ZMIZ1: variants seen among roughly 807,000 people sequenced by gnomAD.
ZMIZ1 encodes the protein zinc finger MIZ-type containing 1, also known as zinc finger MIZ domain-containing protein 1.
ZMIZ1 carries 17 observed loss-of-function variants against 113.9 expected under a neutral mutation model. The observed-to-expected ratio is 0.15, with a 90% CI of 0.10 to 0.22. The LOEUF (loss-of-function observed/expected upper bound fraction) is 0.22. Among genes scored for constraint, ZMIZ1 ranks in the 10% least tolerant of loss-of-function variants. The probability of loss-of-function intolerance (pLI) is 1.00; values close to 1 mark genes in which losing one functional copy is unlikely to be tolerated. For synonymous variants in ZMIZ1, 607 were observed against 603.1 expected, an observed-to-expected ratio of 1.01 and a Z score of -0.09; for missense variants, 1,059 against 1,477.8, an observed-to-expected ratio of 0.72 and a Z score of 4.65.
chr10:79,303,155 T>C (rs1854444754), intron 18 of ZMIZ1, among the ~76,000 whole-genome samples: 2 of 148,296 alleles, frequency 1.3e-5, no homozygotes, highest in African/African-American at 4.9e-5. Context: ...CCACCACACC[T>C]GGCCAGCTTA....
chr10:79,182,644 T>C (rs185194521), intron 4 of ZMIZ1, among the ~76,000 whole-genome samples: 186 of 152,346 alleles, frequency 1.2e-3, no homozygotes, highest in Non-Finnish European at 2.3e-3. Context: ...GGACAGGGCC[T>C]GAGAGCCCTA....
chr10:79,093,634 C>T (rs558499808), intron 1 of ZMIZ1, among the ~76,000 whole-genome samples: 10 of 152,256 alleles, frequency 6.6e-5, no homozygotes, highest in Non-Finnish European at 1.5e-4. Flanking sequence ...GCCTGTATCC[C>T]AGTTTTACAC....
intron 8 of ZMIZ1, among the ~76,000 whole-genome samples, chr10:79,280,069 A>G (rs4979858): frequency 0.067 from 10,134 of 151,514 alleles, 697 homozygotes; most frequent in East Asian, 0.19. Context: ...GCTGACTGCA[A>G]GCTCCGCCCC....
chr10:79,240,264 A>C (rs1328787570), intron 7 of ZMIZ1, among the ~76,000 whole-genome samples: 1 of 152,226 alleles, frequency 6.6e-6, no homozygotes, highest in East Asian at 1.9e-4. Flanking sequence ...GAGCTCACCA[A>C]GTGCCTGTGA....
At chr10:79,174,145 C>G (rs2132541156) in intron 4 of ZMIZ1, among the ~76,000 whole-genome samples, 2 of 152,286 alleles carry the variant, frequency 1.3e-5, no homozygotes, top group Admixed American at 1.3e-4. Context: ...CTGAAGCGGC[C>G]AGCACAGGTT....
At chr10:79,257,461 C>T (rs1018433847) in intron 7 of ZMIZ1, among the ~76,000 whole-genome samples, 2 of 152,254 alleles carry the variant, frequency 1.3e-5, no homozygotes, top group African/African-American at 4.8e-5. Flanking sequence ...TTGGCTGCCC[C>T]AGCTCTACCC....
intron 1 of ZMIZ1, among the ~76,000 whole-genome samples, chr10:79,115,503 G>C (rs183479744): frequency 5.3e-5 from 8 of 152,162 alleles, no homozygotes; most frequent in African/African-American, 1.9e-4. Flanking sequence ...AAGCATCATC[G>C]CTGGTACAGT....
chr10:79,221,192 G>C (rs1367834460), intron 7 of ZMIZ1, among the ~76,000 whole-genome samples: 1 of 152,210 alleles, frequency 6.6e-6, no homozygotes, highest in African/African-American at 2.4e-5. Flanking sequence ...TGAGCTTGGA[G>C]CGGGGCTTTG....
chr10:79,165,968 G>GTGTCTGGGCTCTTCCTGCAGCTCAGC (rs1846318769), intron 4 of ZMIZ1, among the ~76,000 whole-genome samples: 2 of 146,834 alleles, frequency 1.4e-5, no homozygotes, highest in African/African-American at 5.3e-5. Flanking sequence ...GTGTGTGTGT[G>GTGTCTGGGCTCTTCCTGCAGCTCAGC]TGTGTGTGTG....
At chr10:79,163,173 T>A (rs1047067293) in intron 4 of ZMIZ1, among the ~76,000 whole-genome samples, 2 of 152,244 alleles carry the variant, frequency 1.3e-5, no homozygotes, top group Admixed American at 6.5e-5. Context: ...GTCTTCGCCC[T>A]GGTGTGGAGC....
chr10:79,316,457 G>GT lies in ZMIZ1; in HGVS notation c.*3709dup. The GT allele has an allele frequency of 6.5e-6, 1 of 152,736 alleles. No individual in the cohort carries two copies. The highest frequency in any genetic ancestry group is 1.9e-4 in the East Asian group (1 of 5,338). The allele number at this position is 152,736 out of a possible 1,614,324, so 9.5% of individuals were successfully genotyped here. A position where few individuals can be genotyped will look rare whatever the true frequency, so the allele number is the denominator to read the frequency against. On this transcript the variant is annotated 3_prime_UTR_variant, in exon 25 of 25. Transcript: ENST00000334512. ...TTGCTAGACATTTCTATACTCTGTT[G>GT]TAACACTGAGGTATCTCATTTGCCC...
intron 7 of ZMIZ1, among the ~76,000 whole-genome samples, chr10:79,224,265 G>T (rs377693053): frequency 9.2e-5 from 14 of 152,192 alleles, no homozygotes; most frequent in Non-Finnish European, 1.9e-4. Context: ...GCCGGAGGGT[G>T]ACTCTTTTCT....
At chr10:79,231,500 TC>T (rs932673494) in intron 7 of ZMIZ1, among the ~76,000 whole-genome samples, 13 of 152,222 alleles carry the variant, frequency 8.5e-5, no homozygotes, top group African/African-American at 3.1e-4. Context: ...CGCCTCGGCC[TC>T]CCAAAGTGCT....
intron 3 of ZMIZ1, among the ~76,000 whole-genome samples, chr10:79,147,481 C>T (rs889764490): frequency 2.0e-5 from 3 of 152,152 alleles, no homozygotes; most frequent in East Asian, 1.9e-4. Context: ...CCAGGCCTCC[C>T]GTGTGCATCC....
In ZMIZ1 at chr10:79,296,587, G is replaced by A; in HGVS notation, c.1347G>A (p.Arg449=). Residue 449 remains arginine (R), a synonymous_variant, in exon 13 of 25, where the codon AGG becomes AGA. Coordinates refer to ENST00000334512, the MANE Select transcript of ZMIZ1 (RefSeq NM_020338.4). This position sits in a 1 kb window ranked among gnomAD's most constrained non-coding sequence, Gnocchi z 4.1. ...PLTSPNYPGQ[R]MPSQPSSGQY... is the part of the protein sequence containing the mutation. Reference sequence around the variant, plus strand: ...CCTCCCCCAACTACCCAGGACAGAGGATGCCCAGCCAGCCGAGCTCCGGGC... The same window carrying A: ...CCTCCCCCAACTACCCAGGACAGAGAATGCCCAGCCAGCCGAGCTCCGGGC... 1 of 1,612,422 alleles carries A rather than the reference G, an allele frequency of 6.2e-7. No homozygotes were observed. Among genetic ancestry groups the A allele is most frequent in the Non-Finnish European group, 8.5e-7 (1 of 1,179,180 alleles).
At chr10:79,124,830 C>A (rs1012550515) in intron 2 of ZMIZ1, among the ~76,000 whole-genome samples, 1 of 152,198 alleles carries the variant, frequency 6.6e-6, no homozygotes, top group Non-Finnish European at 1.5e-5. Context: ...ATTCATTCAG[C>A]CACAGCTGAG....
intron 23 of ZMIZ1, among the ~76,000 whole-genome samples, chr10:79,309,629 A>T (rs1298249965): frequency 1.3e-5 from 2 of 152,242 alleles, no homozygotes; most frequent in Non-Finnish European, 2.9e-5. Context: ...CCGTGGGCAG[A>T]GCCCGACCCA....
At chr10:79,078,454 A>G (rs1842547965) in intron 1 of ZMIZ1, among the ~76,000 whole-genome samples, 1 of 152,098 alleles carries the variant, frequency 6.6e-6, no homozygotes. Flanking sequence ...AGAGGGCAGC[A>G]GAGCACCCCC....
intron 2 of ZMIZ1, among the ~76,000 whole-genome samples, chr10:79,139,001 A>G (rs1845143915): frequency 6.6e-6 from 1 of 152,202 alleles, no homozygotes; most frequent in East Asian, 1.9e-4. Context: ...TTTGGGGAGC[A>G]CAATCTAACT....
Sources: gnomAD v4.1 joint callset for allele counts (sites outside exome capture counted in the v4.1 genomes callset) on GRCh38, gnomAD v4.1.1 for gene constraint, Gnocchi (gnomAD v3.1) non-coding constraint, MANE v1.5 for transcripts, NCBI Gene and HGNC (gene_info 2026-07-23, HGNC 2026-07-21) for gene names.